The following SLCO2B1 variants were observed in gnomAD, a reference collection of about 807,000 sequenced individuals.
SLCO2B1 encodes OATP-RP2.
Under a neutral mutation model 67.3 loss-of-function variants are expected in SLCO2B1, and 41 were observed. The observed-to-expected ratio is 0.61, with a 90% CI of 0.47 to 0.79. The LOEUF (loss-of-function observed/expected upper bound fraction) is 0.79, where lower values mean the gene tolerates loss of function less well. Among genes scored for constraint, SLCO2B1 ranks in the 30% least tolerant of loss-of-function variants. SLCO2B1 has a pLI of 0.00. For synonymous variants in SLCO2B1, 379 were observed against 381.4 expected (o/e 0.99, Z 0.07); for missense variants, 837 against 920.1 (o/e 0.91, Z 1.17).
In SLCO2B1 at chr11:75,169,265, A is replaced by G; in HGVS notation, c.541A>G (p.Thr181Ala). 2.5e-6 allele frequency: 4 copies of G among 1,614,104 alleles called. No homozygotes were observed. The highest frequency in any genetic ancestry group is 3.4e-6 in the Non-Finnish European group (4 of 1,180,006). The change falls in exon 5 of 14, where the codon ACA becomes GCA. Residue 181 changes from threonine to alanine, a missense_variant. Coordinates refer to ENST00000289575, the MANE Select transcript of SLCO2B1 (RefSeq NM_007256.5). ...CTCCAATGGCAACTGCTCAAGCTAC[A>G]CAGAAACCCAGCATCTGAGTGTGGT... ...APSNGNCSSY[T>A]ETQHLSVVGI...
chr11:75,169,804 C>CA, intron 6 of SLCO2B1, 40 bp downstream of exon 6: 3 of 1,526,646 alleles, frequency 2.0e-6, no homozygotes, highest in Non-Finnish European at 2.7e-6. Context: ...CCCTAGCTAA[C>CA]TGACTGCCAC....
chr11:75,194,637 G>T (rs527289853), intron 9 of SLCO2B1, among the ~76,000 whole-genome samples: 3 of 151,988 alleles, frequency 2.0e-5, no homozygotes, highest in Non-Finnish European at 4.4e-5. Flanking sequence ...TCCTGTGTGC[G>T]GAGCCTTGTT....
chr11:75,167,458 G>A (rs1000541854), intron 4 of SLCO2B1, among the ~76,000 whole-genome samples: 88 of 152,110 alleles, frequency 5.8e-4, no homozygotes, highest in African/African-American at 2.1e-3. Flanking sequence ...TTCTGTCTGA[G>A]CCTCCGTCTT....
chr11:75,172,363 T>C lies in SLCO2B1; in HGVS notation c.782-16T>C, dbSNP rs1056424099. The C allele has an allele frequency of 2.5e-6, 4 of 1,606,072 alleles. No homozygotes were observed. The African/African-American group carries it at 5.4e-5, about 21-fold the overall frequency. On this transcript the variant is annotated splice_polypyrimidine_tract_variant and intron_variant, in intron 6 of 13. Coordinates refer to ENST00000289575, the MANE Select transcript of SLCO2B1 (RefSeq NM_007256.5). ...TATCATCCTGACCCTAATGTCACCATGCTCTTCTCTTCCAGGTGGTATCAG... is the reference window on the plus strand; with the variant it reads ...TATCATCCTGACCCTAATGTCACCACGCTCTTCTCTTCCAGGTGGTATCAG...
intron 7 of SLCO2B1, among the ~76,000 whole-genome samples, chr11:75,174,527 C>G (rs1228458883): frequency 2.0e-5 from 3 of 152,024 alleles, no homozygotes; most frequent in Non-Finnish European, 4.4e-5. Flanking sequence ...GTCCCCAAGA[C>G]AGTGATGAGT....
At chr11:75,184,239 G>A (rs562240872) in intron 7 of SLCO2B1, among the ~76,000 whole-genome samples, 56 of 152,140 alleles carry the variant, frequency 3.7e-4, no homozygotes, top group Non-Finnish European at 6.3e-4. Flanking sequence ...CCACTATTTC[G>A]CCCCAGGCTC....
intron 1 of SLCO2B1, among the ~76,000 whole-genome samples, chr11:75,154,698 T>G (rs746159259): frequency 7.2e-5 from 11 of 152,220 alleles, no homozygotes; most frequent in Non-Finnish European, 1.3e-4. Context: ...TCCCAGCCTG[T>G]GCCTGGTGAA....
chr11:75,169,716 G>A lies in SLCO2B1; in HGVS notation c.733G>A (p.Gly245Ser). The change falls in exon 6 of 14, where the codon GGC (glycine) becomes AGC (serine). Residue 245 changes from glycine to serine, a missense_variant. Physicochemically the swap from Gly to Ser is moderately conservative, Grantham distance 56. Coordinates refer to ENST00000289575, the MANE Select transcript of SLCO2B1 (RefSeq NM_007256.5). ...GGGGCCAGGCCTGGCCTTTGGGCTG[G>A]GCAGCCTCATGCTGCGCCTTTATGT... ...MMGPGLAFGLGSLMLRLYVDI... is the reference protein window; with the variant it reads ...MMGPGLAFGLSSLMLRLYVDI... The A allele has an allele frequency of 6.2e-7, 1 of 1,614,150 alleles. No individual in the cohort carries two copies. Among genetic ancestry groups the A allele is most frequent in the African/African-American group, 1.3e-5 (1 of 75,032 alleles).
chr11:75,184,421 G>C (rs925494684), intron 7 of SLCO2B1, among the ~76,000 whole-genome samples: 1 of 152,190 alleles, frequency 6.6e-6, no homozygotes, highest in Non-Finnish European at 1.5e-5. Flanking sequence ...TTTCTACTCT[G>C]AATGCCTATC....
chr11:75,162,365 T>A (rs1206223072), intron 1 of SLCO2B1, among the ~76,000 whole-genome samples: 1 of 152,120 alleles, frequency 6.6e-6, no homozygotes, highest in Non-Finnish European at 1.5e-5. Flanking sequence ...CAGCAGCTTC[T>A]CCCTAGAAGG....
chr11:75,184,746 C>T (rs1375622627), intron 7 of SLCO2B1, among the ~76,000 whole-genome samples: 1 of 152,184 alleles, frequency 6.6e-6, no homozygotes, highest in East Asian at 1.9e-4. Context: ...CGTGGCTCCT[C>T]GCTGCTCATG....
chr11:75,203,527 C>A, intron 13 of SLCO2B1, 100 bp downstream of exon 13: 1 of 1,464,370 alleles, frequency 6.8e-7, no homozygotes, highest in Non-Finnish European at 9.4e-7. Flanking sequence ...TTAAGTCTAC[C>A]TGCTAGGTGA....
chr11:75,169,084 C>T, intron 4 of SLCO2B1, 89 bp from the exon 5 acceptor site: 2 of 1,058,088 alleles, frequency 1.9e-6, no homozygotes, highest in Non-Finnish European at 2.7e-6. Flanking sequence ...TATTTTTATA[C>T]ACAGCACTTA....
At chr11:75,160,429 G>C (rs1272429362) in intron 1 of SLCO2B1, among the ~76,000 whole-genome samples, 1 of 152,200 alleles carries the variant, frequency 6.6e-6, no homozygotes, top group Non-Finnish European at 1.5e-5. Flanking sequence ...ACGGAGCTGT[G>C]GAGAGGGTTC....
At chr11:75,203,010 G>A (rs1591840534) in intron 12 of SLCO2B1, 45 bp downstream of exon 12, 2 of 1,530,924 alleles carry the variant, frequency 1.3e-6, no homozygotes, top group African/African-American at 2.7e-5. Flanking sequence ...ATGGGGTCCA[G>A]ATGCCCACTG....
Position 75,165,782 on chromosome 11 carries a change from T to C in SLCO2B1, c.286-5T>C. On this transcript the variant is annotated splice_region_variant and splice_polypyrimidine_tract_variant and intron_variant, in intron 3 of 13. Transcript: ENST00000289575. Reference sequence around the variant, plus strand: ...ACCTTAATGGGTCACCTCGTCCTTTTGCAGGTGGGGAACACAGCCTTGATT... The same window carrying C: ...ACCTTAATGGGTCACCTCGTCCTTTCGCAGGTGGGGAACACAGCCTTGATT... The C allele has an allele frequency of 1.9e-6, 3 of 1,614,004 alleles. No individual in the cohort carries two copies. In the African/African-American group the frequency reaches 4.0e-5, roughly 22 times the overall value.
In SLCO2B1 at chr11:75,151,393, G is replaced by A; in HGVS notation, c.12G>A (p.Arg4=). MGP[R]IGPAGEVPQV... Reference sequence around the variant, plus strand: ...GCACTCCAGCAGTCATGGGACCCAGGATAGGTAAGTCCGAACAAATTAAGG... The same window carrying A: ...GCACTCCAGCAGTCATGGGACCCAGAATAGGTAAGTCCGAACAAATTAAGG... Residue 4 remains arginine, a synonymous_variant, in exon 1 of 14, where the codon AGG becomes AGA. Transcript: ENST00000289575. 6.2e-7 allele frequency: 1 copy of A among 1,613,836 alleles called. No homozygotes were observed. The highest frequency in any genetic ancestry group is 8.5e-7 in the Non-Finnish European group (1 of 1,179,948).
chr11:75,157,283 C>T (rs1201234462), intron 1 of SLCO2B1, among the ~76,000 whole-genome samples: 1 of 152,174 alleles, frequency 6.6e-6, no homozygotes, highest in Non-Finnish European at 1.5e-5. Flanking sequence ...AAAAATATTG[C>T]TAATGAAGAC....
intron 10 of SLCO2B1, chr11:75,199,612 A>G (rs1036973328): frequency 2.6e-5 from 4 of 152,342 alleles, no homozygotes; most frequent in Non-Finnish European, 5.9e-5. Context: ...TGTCCAGGCC[A>G]GCCAGCCACT....
Sources: allele counts gnomAD v4.1 joint callset (sites outside exome capture counted in the v4.1 genomes callset), GRCh38; gene constraint gnomAD v4.1.1; transcripts MANE v1.5; gene names NCBI Gene and HGNC (gene_info 2026-07-23, HGNC 2026-07-21).